The following BMP5 variants were observed in gnomAD, a reference collection of about 807,000 sequenced individuals.
The protein encoded by BMP5 is bone morphogenetic protein 5.
BMP5 carries 23 observed loss-of-function variants against 46.6 expected under a neutral mutation model. The observed-to-expected ratio is 0.49, with a 90% CI of 0.35 to 0.70. BMP5 has a LOEUF of 0.70. Ranked by LOEUF, BMP5 falls within the 30% of genes least tolerant of loss-of-function variation. BMP5 has a pLI of 0.00. For missense variants in BMP5, 545 were observed against 565.6 expected (o/e 0.96, Z 0.37); for synonymous variants, 204 against 191.9 (o/e 1.06, Z -0.52).
intron 6 of BMP5, among the ~76,000 whole-genome samples, chr6:55,757,575 C>G (rs2127514321): frequency 6.6e-6 from 1 of 151,988 alleles, no homozygotes; most frequent in East Asian, 1.9e-4. Context: ...ACTCCATACT[C>G]CTGGAAACAC....
At chr6:55,834,113 A>G (rs1052768971) in intron 1 of BMP5, among the ~76,000 whole-genome samples, 1 of 152,126 alleles carries the variant, frequency 6.6e-6, no homozygotes, top group African/African-American at 2.4e-5. Context: ...CCTGCAAGCA[A>G]TCACCTAATT....
chr6:55,819,106 AATGGTTC>A (rs1776348354), intron 2 of BMP5, among the ~76,000 whole-genome samples: 1 of 152,196 alleles, frequency 6.6e-6, no homozygotes, highest in African/African-American at 2.4e-5. Flanking sequence ...ACTTATTTTC[AATGGTTC>A]ATTTGCAGTC....
At chr6:55,761,044 C>T (rs137937915) in intron 4 of BMP5, among the ~76,000 whole-genome samples, 2 of 151,978 alleles carry the variant, frequency 1.3e-5, no homozygotes, top group African/African-American at 4.8e-5. Context: ...CCCCAAAATC[C>T]TGTCCACCTG....
intron 3 of BMP5, among the ~76,000 whole-genome samples, chr6:55,788,425 T>A (rs1191848401): frequency 2.0e-5 from 3 of 151,862 alleles, no homozygotes; most frequent in African/African-American, 7.2e-5. Context: ...TATACTCTGC[T>A]GTCAACTCAA....
At chr6:55,834,190 A>AT (rs1776730698) in intron 1 of BMP5, among the ~76,000 whole-genome samples, 2 of 152,064 alleles carry the variant, frequency 1.3e-5, no homozygotes, top group Admixed American at 6.6e-5. Flanking sequence ...TAAATTGAGC[A>AT]TTTTTTCATC....
At chr6:55,874,127 G>A (rs1199266047) in intron 1 of BMP5, among the ~76,000 whole-genome samples, 1 of 151,656 alleles carries the variant, frequency 6.6e-6, no homozygotes, top group Admixed American at 6.6e-5. Flanking sequence ...ATATTTAAGC[G>A]AGGTTGAAAT....
intron 1 of BMP5, among the ~76,000 whole-genome samples, chr6:55,871,079 A>T (rs967618921): frequency 1.3e-5 from 2 of 151,920 alleles, no homozygotes; most frequent in African/African-American, 4.8e-5. Flanking sequence ...TAACTAAAAG[A>T]TCTTAGAAAT....
chr6:55,781,444 C>G (rs931915395), intron 3 of BMP5, among the ~76,000 whole-genome samples: 2 of 151,970 alleles, frequency 1.3e-5, no homozygotes, highest in Non-Finnish European at 2.9e-5. Context: ...TGACAAAAAG[C>G]TTTTAGATGT....
intron 1 of BMP5, among the ~76,000 whole-genome samples, chr6:55,848,901 A>C (rs1024190850): frequency 1.3e-5 from 2 of 152,034 alleles, no homozygotes; most frequent in Non-Finnish European, 2.9e-5. Context: ...TTACCTAAGA[A>C]ATTAGGCTGT....
At chr6:55,757,307 A>T (rs996847968) in intron 6 of BMP5, among the ~76,000 whole-genome samples, 15 of 152,088 alleles carry the variant, frequency 9.9e-5, no homozygotes, top group African/African-American at 3.6e-4. Context: ...CATCAAAATG[A>T]TGATAAAAAG....
chr6:55,787,626 T>C (rs920966815), intron 3 of BMP5, among the ~76,000 whole-genome samples: 1 of 151,672 alleles, frequency 6.6e-6, no homozygotes, highest in African/African-American at 2.4e-5. Context: ...TCCTGTTCTT[T>C]GTTAACATAG....
intron 1 of BMP5, among the ~76,000 whole-genome samples, chr6:55,874,126 C>T (rs960592421): frequency 3.0e-4 from 45 of 151,820 alleles, no homozygotes; most frequent in African/African-American, 9.4e-4. Flanking sequence ...TATATTTAAG[C>T]GAGGTTGAAA....
At chr6:55,841,942 G>T (rs976300681) in intron 1 of BMP5, among the ~76,000 whole-genome samples, 6 of 151,780 alleles carry the variant, frequency 4.0e-5, no homozygotes, top group Non-Finnish European at 2.9e-5. Flanking sequence ...GAGAGAGAGA[G>T]ATTTTTCTAT....
chr6:55,760,396 A>T, intron 5 of BMP5, 61 bp downstream of exon 5: 1 of 1,466,160 alleles, frequency 6.8e-7, no homozygotes, highest in Non-Finnish European at 9.6e-7. Flanking sequence ...AAAGACTATG[A>T]CTTATTAAGG....
intron 4 of BMP5, among the ~76,000 whole-genome samples, chr6:55,764,604 G>T (rs1414859414): frequency 1.4e-5 from 2 of 145,786 alleles, no homozygotes; most frequent in Non-Finnish European, 3.0e-5. Flanking sequence ...AAGAAAGAAA[G>T]AAAAGAAAAA....
chr6:55,815,534 A>C (rs1331920751), intron 2 of BMP5, among the ~76,000 whole-genome samples: 1 of 152,160 alleles, frequency 6.6e-6, no homozygotes, highest in African/African-American at 2.4e-5. Flanking sequence ...TGAAATCCTA[A>C]ATCTGAGAGT....
chr6:55,810,499 G>T (rs1776102676), intron 2 of BMP5, among the ~76,000 whole-genome samples: 1 of 152,024 alleles, frequency 6.6e-6, no homozygotes, highest in Non-Finnish European at 1.5e-5. Flanking sequence ...GTGCTACCAG[G>T]TATACACCCA....
At chr6:55,771,758 G>A (rs930953237) in intron 4 of BMP5, among the ~76,000 whole-genome samples, 4 of 151,742 alleles carry the variant, frequency 2.6e-5, no homozygotes, top group Non-Finnish European at 5.9e-5. Flanking sequence ...CCAGCAATCA[G>A]GCAAACAGGC....
chr6:55,778,263 TA>T (rs1775225581), intron 3 of BMP5, among the ~76,000 whole-genome samples: 1 of 151,796 alleles, frequency 6.6e-6, no homozygotes, highest in Non-Finnish European at 1.5e-5. Flanking sequence ...TAATAGGAGG[TA>T]AAAAGCTTGG....
Sources: allele counts gnomAD v4.1 joint callset (sites outside exome capture counted in the v4.1 genomes callset), GRCh38; gene constraint gnomAD v4.1.1; transcripts MANE v1.5; gene names NCBI Gene and HGNC (gene_info 2026-07-23, HGNC 2026-07-21).